Variants in CYP7B1 observed in about 807,000 individuals in gnomAD.
CYP7B1 encodes the protein cytochrome P450 family 7 subfamily B member 1.
Under a neutral mutation model 42.7 loss-of-function variants are expected in CYP7B1, and 29 were observed. The observed-to-expected ratio is 0.68, with a 90% CI of 0.51 to 0.93. CYP7B1 has a LOEUF of 0.93. Among genes scored for constraint, CYP7B1 ranks in the 40% least tolerant of loss-of-function variants. CYP7B1 has a pLI of 0.00. For synonymous variants in CYP7B1, 235 were observed against 218.2 expected (o/e 1.08, Z -0.68); for missense variants, 655 against 600.5 (o/e 1.09, Z -0.95).
intron 1 of CYP7B1, among the ~76,000 whole-genome samples, chr8:64,789,284 A>C (rs1040444542): frequency 2.0e-5 from 3 of 152,198 alleles, no homozygotes; most frequent in Admixed American, 1.3e-4. Flanking sequence ...TTTATTTTAA[A>C]ACAAAAATGT....
chr8:64,626,510 G>T, intron 1 of CYP7B1, among the ~76,000 whole-genome samples: 1 of 152,084 alleles, frequency 6.6e-6, no homozygotes, highest in East Asian at 1.9e-4. Context: ...CTTTCATAAA[G>T]TTTTTTATTC....
At chr8:64,716,308 T>A (rs1807153513) in intron 1 of CYP7B1, among the ~76,000 whole-genome samples, 1 of 152,242 alleles carries the variant, frequency 6.6e-6, no homozygotes, top group South Asian at 2.1e-4. Flanking sequence ...TAAAAGATCT[T>A]TCACTTCTCT....
intron 1 of CYP7B1, among the ~76,000 whole-genome samples, chr8:64,719,560 T>TG (rs949356235): frequency 2.6e-5 from 4 of 152,210 alleles, no homozygotes; most frequent in Admixed American, 6.5e-5. Context: ...TCCATGCTAA[T>TG]GGAAACCTTT....
At chr8:64,598,182 C>A (rs1359361729) in intron 5 of CYP7B1, among the ~76,000 whole-genome samples, 1 of 152,186 alleles carries the variant, frequency 6.6e-6, no homozygotes, top group Non-Finnish European at 1.5e-5. Context: ...AATTTATCTG[C>A]ATTTTTATAA....
At chr8:64,678,499 C>T (rs1253400161) in intron 1 of CYP7B1, among the ~76,000 whole-genome samples, 1 of 152,074 alleles carries the variant, frequency 6.6e-6, no homozygotes, top group Non-Finnish European at 1.5e-5. Context: ...TTACTAGTTA[C>T]AAATAAAATG....
At chr8:64,624,101 T>C (rs1205349677) in intron 2 of CYP7B1, among the ~76,000 whole-genome samples, 1 of 152,006 alleles carries the variant, frequency 6.6e-6, no homozygotes, top group East Asian at 1.9e-4. Context: ...TTCTAGCTTT[T>C]GTATAGTTAT....
chr8:64,754,011 G>T (rs1563415962), intron 1 of CYP7B1, among the ~76,000 whole-genome samples: 1 of 151,696 alleles, frequency 6.6e-6, no homozygotes, highest in African/African-American at 2.4e-5. Flanking sequence ...GCAACAAAGA[G>T]GCCAGTGTGG....
At chr8:64,756,269 G>A (rs1396510552) in intron 1 of CYP7B1, among the ~76,000 whole-genome samples, 1 of 152,158 alleles carries the variant, frequency 6.6e-6, no homozygotes, top group East Asian at 1.9e-4. Flanking sequence ...AGTTTCAGAA[G>A]AGCCCTGTCC....
At chr8:64,586,597 A>C (rs563033038), downstream of CYP7B1, among the ~76,000 whole-genome samples, 2 of 152,346 alleles carry the variant, frequency 1.3e-5, no homozygotes, top group South Asian at 2.1e-4. Context: ...ACTTAGTCAA[A>C]CCTTTAATGA....
intron 1 of CYP7B1, among the ~76,000 whole-genome samples, chr8:64,729,183 G>C (rs1307186919): frequency 6.6e-6 from 1 of 152,124 alleles, no homozygotes; most frequent in Non-Finnish European, 1.5e-5. Context: ...GAAAATCAGA[G>C]AAGCTCTAAG....
intron 1 of CYP7B1, chr8:64,704,066 C>T (rs1192410468): frequency 6.6e-6 from 1 of 151,986 alleles, no homozygotes. Context: ...AAAAACTAAC[C>T]CATGATAAGT....
At chr8:64,749,680 T>C (rs140117320) in intron 1 of CYP7B1, among the ~76,000 whole-genome samples, 112 of 152,282 alleles carry the variant, frequency 7.4e-4, no homozygotes, top group African/African-American at 2.6e-3. Flanking sequence ...TTGTTATAGT[T>C]CTTATAATGG....
At chr8:64,723,300 C>T (rs941968462) in intron 1 of CYP7B1, among the ~76,000 whole-genome samples, 1 of 152,192 alleles carries the variant, frequency 6.6e-6, no homozygotes, top group South Asian at 2.1e-4. Context: ...CAATGTAACA[C>T]TTCCCCCTCC....
chr8:64,698,332 A>AG (rs113079849), intron 1 of CYP7B1, among the ~76,000 whole-genome samples: 2,307 of 150,328 alleles, frequency 0.015, 41 homozygotes, highest in Non-Finnish European at 0.018. Context: ...CTCCAGCAGC[A>AG]GGGGGGGGAA....
chr8:64,587,503 A>C (rs1369799217), downstream of CYP7B1, among the ~76,000 whole-genome samples: 3 of 152,226 alleles, frequency 2.0e-5, no homozygotes, highest in Admixed American at 6.5e-5. Flanking sequence ...CAGGCTTGTA[A>C]GAGGCACCCC....
chr8:64,687,183 A>G (rs1272593189), intron 1 of CYP7B1, among the ~76,000 whole-genome samples: 1 of 152,254 alleles, frequency 6.6e-6, no homozygotes, highest in East Asian at 1.9e-4. Context: ...GGAAGGAATC[A>G]AAATGTACAT....
chr8:64,710,401 A>T (rs1172308677), intron 1 of CYP7B1, among the ~76,000 whole-genome samples: 2 of 152,166 alleles, frequency 1.3e-5, no homozygotes, highest in African/African-American at 4.8e-5. Flanking sequence ...TGGCATTGCC[A>T]ACCTACTCAC....
At chr8:64,698,812 C>CA (rs958863681) in intron 1 of CYP7B1, among the ~76,000 whole-genome samples, 2 of 151,788 alleles carry the variant, frequency 1.3e-5, no homozygotes, top group Admixed American at 6.6e-5. Flanking sequence ...ACTGAAGAAA[C>CA]AAAAAAATAT....
At chr8:64,720,709 A>G (rs1321035145) in intron 1 of CYP7B1, among the ~76,000 whole-genome samples, 1 of 152,164 alleles carries the variant, frequency 6.6e-6, no homozygotes, top group Non-Finnish European at 1.5e-5. Flanking sequence ...TTTAAAAGAC[A>G]CATTAGTTCA....
Sources: allele counts gnomAD v4.1 joint callset (sites outside exome capture counted in the v4.1 genomes callset), GRCh38; gene constraint gnomAD v4.1.1; transcripts MANE v1.5; gene names NCBI Gene and HGNC (gene_info 2026-07-23, HGNC 2026-07-21).